Variants in ABCC1 observed in about 807,000 individuals in gnomAD.
The protein encoded by ABCC1 is ATP binding cassette subfamily C member 1 (ABCC1 blood group), also known as multidrug resistance-associated protein 1.
In ABCC1, 83 loss-of-function variants were observed where a neutral mutation model predicts 172.9. That is an observed-to-expected ratio of 0.48 (90% confidence interval 0.40 to 0.58). ABCC1 has a LOEUF of 0.58. ABCC1 is among the 20% of genes least tolerant of loss of function. The pLI is 0.00. For missense variants in ABCC1, 1,817 were observed against 2,002.7 expected, an observed-to-expected ratio of 0.91 and a Z score of 1.77; for synonymous variants, 937 against 825.2, an observed-to-expected ratio of 1.14 and a Z score of -2.32.
chr16:16,102,775 A>G (rs2051827866), intron 20 of ABCC1, 58 bp downstream of exon 20: 2 of 1,512,742 alleles, frequency 1.3e-6, no homozygotes, highest in Non-Finnish European at 1.8e-6. Context: ...TGGGAGGACA[A>G]GAGGAGGAAC....
intron 1 of ABCC1, among the ~76,000 whole-genome samples, chr16:15,975,835 C>T (rs8062525): frequency 0.18 from 27,387 of 151,804 alleles, 2,991 homozygotes; most frequent in African/African-American, 0.3. Flanking sequence ...GGATTACAGG[C>T]GTGAGCCGCC....
chr16:16,054,788 G>A (rs987619782), intron 11 of ABCC1, among the ~76,000 whole-genome samples: 1 of 152,182 alleles, frequency 6.6e-6, no homozygotes, highest in African/African-American at 2.4e-5. Flanking sequence ...TCTTGTGATT[G>A]TTAAGTGTCT....
At chr16:16,138,580 C>T (rs773078656) in intron 30 of ABCC1, 22 bp downstream of exon 30, 2 of 1,533,322 alleles carry the variant, frequency 1.3e-6, no homozygotes, top group Non-Finnish European at 1.8e-6. Context: ...GGCACAGTGG[C>T]CTCTAGGCTT....
intron 26 of ABCC1, among the ~76,000 whole-genome samples, chr16:16,128,559 T>C (rs1461779548): frequency 6.6e-6 from 1 of 152,254 alleles, no homozygotes; most frequent in Non-Finnish European, 1.5e-5. Context: ...CCTACCACTA[T>C]TCTGTATTTG....
intron 30 of ABCC1, among the ~76,000 whole-genome samples, chr16:16,140,055 T>G (rs1293361490): frequency 1.3e-5 from 2 of 152,230 alleles, no homozygotes; most frequent in Non-Finnish European, 2.9e-5. Context: ...GGGGTCAGAT[T>G]TGGCCTGCAG....
chr16:16,125,008 G>C (rs1177195504), intron 25 of ABCC1, 93 bp downstream of exon 25: 1 of 1,571,440 alleles, frequency 6.4e-7, no homozygotes, highest in Non-Finnish European at 8.7e-7. Flanking sequence ...ACAGGAATGG[G>C]GGAGAGGAAC....
chr16:16,089,008 C>T (rs2051129655), intron 18 of ABCC1, among the ~76,000 whole-genome samples: 1 of 152,182 alleles, frequency 6.6e-6, no homozygotes, highest in Admixed American at 6.5e-5. Flanking sequence ...CGCACGTGTC[C>T]TGTTCTTTAA....
intron 7 of ABCC1, among the ~76,000 whole-genome samples, chr16:16,039,225 GTGTGTGTGTATGTA>G (rs1417759799): frequency 2.2e-5 from 3 of 137,976 alleles, no homozygotes; most frequent in Non-Finnish European, 4.6e-5. Flanking sequence ...GTGTGTGTGT[GTGTGTGTGTATGTA>G]TGTGTGTGTG....
intron 10 of ABCC1, among the ~76,000 whole-genome samples, chr16:16,050,435 G>A (rs2049379122): frequency 2.0e-5 from 3 of 151,872 alleles, no homozygotes; most frequent in Admixed American, 6.6e-5. Flanking sequence ...TACCAGCTTG[G>A]GCAACAGAGC....
chr16:16,076,440 A>G (rs1488188739), intron 15 of ABCC1, 39 bp downstream of exon 15: 13 of 1,545,332 alleles, frequency 8.4e-6, no homozygotes, highest in Non-Finnish European at 1.1e-5. Flanking sequence ...GTGTGGAGAG[A>G]GCCACAGGGC....
At chr16:15,957,754 A>G (rs2046030455) in intron 1 of ABCC1, among the ~76,000 whole-genome samples, 1 of 152,096 alleles carries the variant, frequency 6.6e-6, no homozygotes. Context: ...CACCACATCC[A>G]GCTAATTTTT....
intron 1 of ABCC1, among the ~76,000 whole-genome samples, chr16:15,974,174 C>G (rs1211094077): frequency 1.3e-5 from 2 of 152,104 alleles, no homozygotes; most frequent in Non-Finnish European, 2.9e-5. Context: ...GAATCAGGGC[C>G]TCTTGGTGAC....
chr16:16,116,111 A>G (rs1224442082), intron 23 of ABCC1, among the ~76,000 whole-genome samples: 2 of 151,890 alleles, frequency 1.3e-5, no homozygotes, highest in Non-Finnish European at 2.9e-5. Context: ...TCACCATGTT[A>G]GCCAGGATGG....
chr16:16,043,094 C>T (rs537754181), intron 7 of ABCC1, among the ~76,000 whole-genome samples: 1 of 151,656 alleles, frequency 6.6e-6, no homozygotes, highest in Admixed American at 6.6e-5. Flanking sequence ...AACTCCTGAC[C>T]TCAAGTGATC....
intron 1 of ABCC1, among the ~76,000 whole-genome samples, chr16:15,982,048 C>T (rs2046632478): frequency 1.3e-5 from 2 of 152,318 alleles, no homozygotes; most frequent in South Asian, 4.1e-4. Context: ...GAGACCACCT[C>T]AGCCTGGACT....
rs1176559881 is a variant in ABCC1 at position 15,990,357 on chromosome 16, T to A, written c.49-17459T>A. Reference sequence around the variant, plus strand: ...CCATCACACCCGGCCATCAGCAAATTTTTAAGTATACAATATAGTATTGTG... The same window carrying A: ...CCATCACACCCGGCCATCAGCAAATATTTAAGTATACAATATAGTATTGTG... On this transcript the variant is annotated intron_variant, in intron 1 of 30. Coordinates refer to ENST00000399410, the MANE Select transcript of ABCC1 (RefSeq NM_004996.4). 2.0e-5 allele frequency among the ~76,000 whole-genome samples: 3 copies of A among 152,276 alleles called. No homozygotes were observed. In the East Asian group the frequency reaches 5.8e-4, roughly 29 times the overall value.
intron 19 of ABCC1, among the ~76,000 whole-genome samples, chr16:16,093,689 C>G (rs1252761600): frequency 6.6e-6 from 1 of 152,192 alleles, no homozygotes. Flanking sequence ...AGGGTCTGGT[C>G]TTGCCCAGCC....
intron 23 of ABCC1, among the ~76,000 whole-genome samples, chr16:16,117,487 A>T (rs1268388463): frequency 1.3e-5 from 2 of 152,122 alleles, no homozygotes; most frequent in African/African-American, 4.8e-5. Context: ...GGAAAGTGCA[A>T]CCTTGGATTA....
intron 23 of ABCC1, among the ~76,000 whole-genome samples, chr16:16,118,182 G>A (rs1210683788): frequency 4.6e-5 from 7 of 152,170 alleles, no homozygotes. Flanking sequence ...GGGATGGGTT[G>A]TTTAGATGGG....
Sources: gnomAD v4.1 joint callset for allele counts (sites outside exome capture counted in the v4.1 genomes callset) on GRCh38, gnomAD v4.1.1 for gene constraint, MANE v1.5 for transcripts, NCBI Gene and HGNC (gene_info 2026-07-23, HGNC 2026-07-21) for gene names.